The following FUT8 variants were observed in gnomAD, a reference collection of about 807,000 sequenced individuals.
FUT8 encodes alpha-(1,6)-fucosyltransferase.
Under a neutral mutation model 71.3 loss-of-function variants are expected in FUT8, and 29 were observed. That is an observed-to-expected ratio of 0.41 (90% confidence interval 0.30 to 0.55). The LOEUF (loss-of-function observed/expected upper bound fraction) is 0.55, where lower values mean the gene tolerates loss of function less well. Ranked by LOEUF, FUT8 falls within the 20% of genes least tolerant of loss-of-function variation. The probability of loss-of-function intolerance (pLI) is 0.34; values close to 1 mark genes in which losing one functional copy is unlikely to be tolerated. For synonymous variants in FUT8, 254 were observed against 239.3 expected (o/e 1.06, Z -0.57); for missense variants, 544 against 702.1 (o/e 0.77, Z 2.55).
At chr14:65,461,691 G>C (rs2065971314) in intron 2 of FUT8, among the ~76,000 whole-genome samples, 1 of 152,218 alleles carries the variant, frequency 6.6e-6, no homozygotes, top group South Asian at 2.1e-4. Flanking sequence ...TGATACACCA[G>C]GAGTTCAGTC....
At chr14:65,626,468 C>G (rs1889902470) in intron 5 of FUT8, among the ~76,000 whole-genome samples, 1 of 152,112 alleles carries the variant, frequency 6.6e-6, no homozygotes, top group Admixed American at 6.5e-5. Flanking sequence ...TTATTGTGCT[C>G]TGGACCTCCT....
At chr14:65,361,262 A>ATCACCTGAGGTC in the FUT8 span, among the ~76,000 whole-genome samples, 8 of 146,548 alleles carry the variant, frequency 5.5e-5, no homozygotes, top group African/African-American at 2.1e-4. Flanking sequence ...AGTCTGAGGC[A>ATCACCTGAGGTC]AGAGCATTGC....
chr14:65,437,559 G>C (rs1191833348), intron 1 of FUT8, among the ~76,000 whole-genome samples: 1 of 152,100 alleles, frequency 6.6e-6, no homozygotes, highest in African/African-American at 2.4e-5. Flanking sequence ...CTAATGTTTA[G>C]GGTCGTAGAA....
chr14:65,403,696 T>C, the FUT8 span, among the ~76,000 whole-genome samples: 2 of 151,994 alleles, frequency 1.3e-5, no homozygotes, highest in African/African-American at 4.8e-5. Flanking sequence ...GCAAGGTTTA[T>C]TCTTGCTGGA....
At chr14:65,664,399 T>C (rs554964534) in intron 6 of FUT8, among the ~76,000 whole-genome samples, 6 of 152,308 alleles carry the variant, frequency 3.9e-5, no homozygotes, top group African/African-American at 1.4e-4. Context: ...CTTATTGCTT[T>C]AGGAGTCTGC....
intron 2 of FUT8, among the ~76,000 whole-genome samples, chr14:65,532,163 T>A (rs923786152): frequency 1.3e-5 from 2 of 152,208 alleles, no homozygotes; most frequent in Non-Finnish European, 2.9e-5. Flanking sequence ...GATCGAATGG[T>A]AGTTCAATTT....
intron 7 of FUT8, among the ~76,000 whole-genome samples, chr14:65,709,346 C>G (rs976720702): frequency 6.6e-6 from 1 of 152,010 alleles, no homozygotes; most frequent in Non-Finnish European, 1.5e-5. Context: ...TGAAAGATTA[C>G]TAGAGATGAT....
At chr14:65,462,843 T>G (rs2139590414) in intron 2 of FUT8, among the ~76,000 whole-genome samples, 1 of 152,352 alleles carries the variant, frequency 6.6e-6, no homozygotes, top group Non-Finnish European at 1.5e-5. Flanking sequence ...TTTTTAGATC[T>G]GGACAAAAGT....
chr14:65,506,104 G>A (rs1257661309), intron 2 of FUT8, among the ~76,000 whole-genome samples: 3 of 152,078 alleles, frequency 2.0e-5, no homozygotes, highest in African/African-American at 7.2e-5. Flanking sequence ...TTGCTAATAC[G>A]TTCCCTTGGG....
chr14:65,363,217 G>T, the FUT8 span, among the ~76,000 whole-genome samples: 1 of 131,528 alleles, frequency 7.6e-6, no homozygotes, highest in African/African-American at 2.5e-5. Flanking sequence ...TGCCTTTCGG[G>T]TTCAAGCGAT....
chr14:65,474,628 G>A (rs1192785867), intron 2 of FUT8, among the ~76,000 whole-genome samples: 1 of 151,790 alleles, frequency 6.6e-6, no homozygotes, highest in Non-Finnish European at 1.5e-5. Context: ...AAGATCTTCT[G>A]TTGTACCTAA....
intron 6 of FUT8, among the ~76,000 whole-genome samples, chr14:65,665,428 G>A (rs564033418): frequency 3.4e-4 from 51 of 152,220 alleles, no homozygotes; most frequent in African/African-American, 1.2e-3. Flanking sequence ...TGATGAATAA[G>A]TGAAAGAAAT....
chr14:65,426,902 AGGCTGGAGTGCAGTGGTGTGATCTT>A, intron 1 of FUT8, among the ~76,000 whole-genome samples: 1 of 151,986 alleles, frequency 6.6e-6, no homozygotes, highest in Non-Finnish European at 1.5e-5. Flanking sequence ...TTTGTCGCCC[AGGCTGGAGTGCAGTGGTGTGATCTT>A]GGCTCACTGT....
At chr14:65,584,962 T>C (rs1325926090) in intron 3 of FUT8, among the ~76,000 whole-genome samples, 1 of 152,176 alleles carries the variant, frequency 6.6e-6, no homozygotes, top group African/African-American at 2.4e-5. Flanking sequence ...CGTATTGCAT[T>C]TTGGAAATAT....
intron 3 of FUT8, among the ~76,000 whole-genome samples, chr14:65,590,651 T>C (rs1887638106): frequency 6.6e-6 from 1 of 152,214 alleles, no homozygotes; most frequent in Non-Finnish European, 1.5e-5. Flanking sequence ...AGGGTAATTC[T>C]CACCTCCATA....
intron 2 of FUT8, among the ~76,000 whole-genome samples, chr14:65,543,062 G>A (rs1385443157): frequency 6.6e-6 from 1 of 152,118 alleles, no homozygotes; most frequent in Non-Finnish European, 1.5e-5. Context: ...GATTACAGGC[G>A]TGAGCCACCG....
At chr14:65,723,095 T>G (rs1260267485) in intron 8 of FUT8, among the ~76,000 whole-genome samples, 1 of 151,594 alleles carries the variant, frequency 6.6e-6, no homozygotes, top group African/African-American at 2.4e-5. Flanking sequence ...GTGGATCACT[T>G]GAGCCCAGAA....
the FUT8 span, among the ~76,000 whole-genome samples, chr14:65,405,436 G>T: frequency 6.6e-6 from 1 of 152,104 alleles, no homozygotes; most frequent in South Asian, 2.1e-4. Flanking sequence ...AAAATTTGTT[G>T]ATTCACTTTC....
intron 6 of FUT8, among the ~76,000 whole-genome samples, chr14:65,663,212 A>T (rs1892055407): frequency 1.3e-5 from 2 of 152,186 alleles, no homozygotes; most frequent in Admixed American, 6.5e-5. Context: ...AAATTACAAA[A>T]CTATGGCTCT....
Sources: allele counts gnomAD v4.1 joint callset (sites outside exome capture counted in the v4.1 genomes callset), GRCh38; gene constraint gnomAD v4.1.1; transcripts MANE v1.5; gene names NCBI Gene and HGNC (gene_info 2026-07-23, HGNC 2026-07-21).